The following ABTB3 variants were observed in gnomAD, a reference collection of about 807,000 sequenced individuals.
ABTB3 encodes ankyrin repeat and BTB domain containing 3.
chr12:107,598,802 T>C, the ABTB3 span, among the ~76,000 whole-genome samples: 2 of 152,202 alleles, frequency 1.3e-5, no homozygotes, highest in Non-Finnish European at 2.9e-5. Context: ...ACTAAAGCTG[T>C]TAGAAGAAAT....
At chr12:107,604,448 G>A in the ABTB3 span, among the ~76,000 whole-genome samples, 42 of 152,140 alleles carry the variant, frequency 2.8e-4, no homozygotes, top group Non-Finnish European at 5.7e-4. Flanking sequence ...AAAAAATAAT[G>A]AGCCAAGGTC....
At chr12:107,450,980 GT>G in the ABTB3 span, among the ~76,000 whole-genome samples, 255 of 147,114 alleles carry the variant, frequency 1.7e-3, no homozygotes, top group African/African-American at 4.4e-3. Context: ...TTCAATATGT[GT>G]TTTTTTTTTT....
the ABTB3 span, among the ~76,000 whole-genome samples, chr12:107,578,993 C>A: frequency 6.6e-6 from 1 of 152,230 alleles, no homozygotes; most frequent in Non-Finnish European, 1.5e-5. Flanking sequence ...AGTCCCCATT[C>A]CCTGCCCTGG....
chr12:107,501,497 G>A, the ABTB3 span, among the ~76,000 whole-genome samples: 27 of 152,030 alleles, frequency 1.8e-4, no homozygotes, highest in Non-Finnish European at 2.6e-4. Flanking sequence ...GCAGGAGTTC[G>A]AGACCTGCCT....
the ABTB3 span, among the ~76,000 whole-genome samples, chr12:107,512,007 G>C: frequency 6.6e-6 from 1 of 152,122 alleles, no homozygotes; most frequent in Non-Finnish European, 1.5e-5. Flanking sequence ...TGAGGGCTCT[G>C]AAGACCAGTA....
chr12:107,654,881 T>G, the ABTB3 span, among the ~76,000 whole-genome samples: 1 of 146,916 alleles, frequency 6.8e-6, no homozygotes, highest in Non-Finnish European at 1.5e-5. Context: ...TAAATGAGGA[T>G]TATACCAAAA....
the ABTB3 span, among the ~76,000 whole-genome samples, chr12:107,434,816 A>T: frequency 4.6e-5 from 7 of 151,334 alleles, no homozygotes; most frequent in African/African-American, 1.7e-4. Flanking sequence ...ATGAGCCAAG[A>T]TTGCACCACT....
the ABTB3 span, chr12:107,635,443 AG>A: frequency 6.5e-7 from 1 of 1,546,020 alleles, no homozygotes. Context: ...TTTAAGGACG[AG>A]GAGCCAAAGA....
the ABTB3 span, among the ~76,000 whole-genome samples, chr12:107,589,299 G>A: frequency 2.6e-5 from 4 of 152,170 alleles, no homozygotes; most frequent in East Asian, 1.9e-4. Context: ...AAGAGATGTG[G>A]CATTATACCA....
chr12:107,566,426 G>A, the ABTB3 span, among the ~76,000 whole-genome samples: 1 of 151,718 alleles, frequency 6.6e-6, no homozygotes, highest in African/African-American at 2.4e-5. Context: ...ACTCTGAAAG[G>A]GACTTGAGCC....
At chr12:107,531,676 G>C in the ABTB3 span, among the ~76,000 whole-genome samples, 1 of 152,060 alleles carries the variant, frequency 6.6e-6, no homozygotes, top group Non-Finnish European at 1.5e-5. Flanking sequence ...GAGATGCCTG[G>C]AGTCCAGGAA....
the ABTB3 span, among the ~76,000 whole-genome samples, chr12:107,565,171 G>A: frequency 6.6e-6 from 1 of 152,216 alleles, no homozygotes; most frequent in Admixed American, 6.5e-5. Context: ...AACCAAGCCT[G>A]TGCACTGAGC....
chr12:107,372,587 A>G, the ABTB3 span, among the ~76,000 whole-genome samples: 3 of 152,098 alleles, frequency 2.0e-5, no homozygotes, highest in Non-Finnish European at 4.4e-5. Flanking sequence ...GACCTCCTCT[A>G]CAACCATTCG....
At chr12:107,356,885 T>G in the ABTB3 span, among the ~76,000 whole-genome samples, 1 of 152,230 alleles carries the variant, frequency 6.6e-6, no homozygotes. Flanking sequence ...CTTATGCCAC[T>G]GAATTCTCTT....
At chr12:107,453,345 G>A in the ABTB3 span, among the ~76,000 whole-genome samples, 6 of 152,286 alleles carry the variant, frequency 3.9e-5, no homozygotes, top group Middle Eastern at 3.4e-3. Flanking sequence ...AACCCCCAAG[G>A]TGATGGTATT....
At chr12:107,659,377 T>G in the ABTB3 span, 2 of 152,316 alleles carry the variant, frequency 1.3e-5, no homozygotes, top group Admixed American at 6.5e-5. Context: ...CCATCCAATG[T>G]GGAAGGAAAA....
the ABTB3 span, among the ~76,000 whole-genome samples, chr12:107,482,459 G>T: frequency 6.6e-6 from 1 of 152,148 alleles, no homozygotes; most frequent in East Asian, 1.9e-4. Context: ...GTGTGGGAAG[G>T]GAATAGGAGC....
chr12:107,647,629 C>G, the ABTB3 span, among the ~76,000 whole-genome samples: 1 of 152,240 alleles, frequency 6.6e-6, no homozygotes, highest in Non-Finnish European at 1.5e-5. Context: ...TGGGTGAGAA[C>G]AAGGCGGCAT....
chr12:107,432,830 C>T, the ABTB3 span, among the ~76,000 whole-genome samples: 17 of 152,260 alleles, frequency 1.1e-4, no homozygotes, highest in African/African-American at 3.6e-4. Flanking sequence ...AAGCTCCCCC[C>T]GAGGTTCTAA....
Sources: gnomAD v4.1 joint callset for allele counts (sites outside exome capture counted in the v4.1 genomes callset) on GRCh38, gnomAD v4.1.1 for gene constraint, MANE v1.5 for transcripts, NCBI Gene and HGNC (gene_info 2026-07-23, HGNC 2026-07-21) for gene names.